The following KCNMA1 variants were observed in gnomAD, a reference collection of about 807,000 sequenced individuals.
The protein encoded by KCNMA1 is Calcium-activated potassium channel subunit alpha-1.
KCNMA1 carries 29 observed loss-of-function variants against 140.0 expected under a neutral mutation model. That is an observed-to-expected ratio of 0.21 (90% CI 0.15 to 0.28). KCNMA1 has a LOEUF of 0.28. KCNMA1 is among the 10% of genes least tolerant of loss of function. KCNMA1 has a pLI of 1.00. For synonymous variants in KCNMA1, 612 were observed against 611.9 expected (o/e 1.00, Z 0.00); for missense variants, 880 against 1,602.2 (o/e 0.55, Z 7.70).
At chr10:77,297,023 C>T (rs1182072351) in intron 2 of KCNMA1, among the ~76,000 whole-genome samples, 1 of 152,030 alleles carries the variant, frequency 6.6e-6, no homozygotes, top group East Asian at 1.9e-4. Context: ...TCTGGTTGTA[C>T]CCAAGACATC....
At chr10:77,081,534 C>CTTCACCCCT (rs2096566054) in intron 12 of KCNMA1, among the ~76,000 whole-genome samples, 1 of 152,124 alleles carries the variant, frequency 6.6e-6, no homozygotes, top group Non-Finnish European at 1.5e-5. Context: ...GCGCTCCCCA[C>CTTCACCCCT]TTCACCCCTT....
At chr10:76,936,541 C>T (rs1031141778) in intron 23 of KCNMA1, among the ~76,000 whole-genome samples, 1 of 152,162 alleles carries the variant, frequency 6.6e-6, no homozygotes, top group Non-Finnish European at 1.5e-5. Context: ...AGAGAAATGG[C>T]TTCTCCCCTA....
intron 1 of KCNMA1, among the ~76,000 whole-genome samples, chr10:77,624,103 C>T (rs548498554): frequency 7.9e-5 from 12 of 152,250 alleles, no homozygotes; most frequent in East Asian, 3.9e-4. Context: ...TCCCTGCTTT[C>T]GGCAGCTGGA....
intron 14 of KCNMA1, among the ~76,000 whole-genome samples, chr10:77,065,594 A>G (rs1031058629): frequency 6.6e-6 from 1 of 152,146 alleles, no homozygotes; most frequent in Non-Finnish European, 1.5e-5. Context: ...GGAGATGTCA[A>G]TTCTCCCAAG....
At chr10:77,302,057 CA>C (rs922531102) in intron 2 of KCNMA1, among the ~76,000 whole-genome samples, 4 of 152,042 alleles carry the variant, frequency 2.6e-5, no homozygotes, top group Admixed American at 1.3e-4. Context: ...GGGCCCTTTA[CA>C]CATGCCATCT....
intron 5 of KCNMA1, among the ~76,000 whole-genome samples, chr10:77,124,161 T>G (rs2097685294): frequency 6.6e-6 from 1 of 152,206 alleles, no homozygotes; most frequent in Admixed American, 6.5e-5. Context: ...TCCTGAACAT[T>G]CTGTGTGTGC....
chr10:77,579,904 G>T (rs2075356963), intron 1 of KCNMA1, among the ~76,000 whole-genome samples: 1 of 152,162 alleles, frequency 6.6e-6, no homozygotes, highest in Admixed American at 6.6e-5. Flanking sequence ...TCCATGAACA[G>T]CAATTGAATT....
intron 2 of KCNMA1, among the ~76,000 whole-genome samples, chr10:77,339,064 C>T (rs755793207): frequency 4.0e-5 from 6 of 151,826 alleles, no homozygotes; most frequent in Non-Finnish European, 7.4e-5. Context: ...AACACAGATA[C>T]ATACAGAGTA....
chr10:77,471,301 C>T (rs2098143862), intron 1 of KCNMA1, among the ~76,000 whole-genome samples: 2 of 151,410 alleles, frequency 1.3e-5, no homozygotes, highest in Non-Finnish European at 2.9e-5. Flanking sequence ...ACACAACACA[C>T]ACTACACAGT....
intron 2 of KCNMA1, among the ~76,000 whole-genome samples, chr10:77,313,169 A>G (rs1194729729): frequency 6.6e-6 from 1 of 152,152 alleles, no homozygotes. Context: ...TAAACAGTTC[A>G]TTTCTGTGCT....
chr10:77,195,197 C>A (rs1037121786), intron 3 of KCNMA1, among the ~76,000 whole-genome samples: 42 of 152,172 alleles, frequency 2.8e-4, no homozygotes, highest in Non-Finnish European at 4.6e-4. Flanking sequence ...CCGTCTTTGG[C>A]TGACAGCTAA....
chr10:77,447,765 G>T (rs1189136387), intron 1 of KCNMA1, among the ~76,000 whole-genome samples: 2 of 152,198 alleles, frequency 1.3e-5, no homozygotes, highest in Non-Finnish European at 1.5e-5. Context: ...CACTTAAGAA[G>T]TGATGGAAGG....
intron 17 of KCNMA1, among the ~76,000 whole-genome samples, chr10:77,013,840 G>T (rs1350258297): frequency 6.6e-6 from 1 of 152,188 alleles, no homozygotes; most frequent in Non-Finnish European, 1.5e-5. Flanking sequence ...AGCTGAGATT[G>T]AATTCACATA....
intron 1 of KCNMA1, among the ~76,000 whole-genome samples, chr10:77,565,805 C>T (rs181229184): frequency 1.1e-4 from 17 of 152,278 alleles, no homozygotes; most frequent in African/African-American, 4.1e-4. Flanking sequence ...TCTGGAGACG[C>T]AAACCCTAGC....
chr10:77,120,142 A>G (rs560159520), intron 6 of KCNMA1, among the ~76,000 whole-genome samples: 1 of 152,362 alleles, frequency 6.6e-6, no homozygotes, highest in East Asian at 1.9e-4. Flanking sequence ...GAAATGGAAC[A>G]TTAGAAGTTA....
At chr10:76,883,427 A>G (rs911976994), downstream of KCNMA1, among the ~76,000 whole-genome samples, 2 of 152,196 alleles carry the variant, frequency 1.3e-5, no homozygotes, top group African/African-American at 4.8e-5. Context: ...TGTGTGTATA[A>G]GAGTCCAGCT....
At chr10:77,227,964 A>ATTTTT (rs10642363) in intron 3 of KCNMA1, among the ~76,000 whole-genome samples, 1 of 136,088 alleles carries the variant, frequency 7.3e-6, no homozygotes, top group Non-Finnish European at 1.5e-5. Context: ...ATTTAATTTA[A>ATTTTT]TTTTTTTTTT....
At chr10:77,246,363 A>G (rs1267329881) in intron 3 of KCNMA1, among the ~76,000 whole-genome samples, 5 of 152,222 alleles carry the variant, frequency 3.3e-5, no homozygotes, top group Non-Finnish European at 7.3e-5. Flanking sequence ...TGCATGTGCT[A>G]TTTTTGGTAA....
chr10:76,948,168 C>A (rs574622432), intron 22 of KCNMA1, among the ~76,000 whole-genome samples: 2 of 151,934 alleles, frequency 1.3e-5, no homozygotes, highest in African/African-American at 4.8e-5. Context: ...CCACATCAGG[C>A]TAATTTTTTT....
Sources: allele counts gnomAD v4.1 joint callset (sites outside exome capture counted in the v4.1 genomes callset), GRCh38; gene constraint gnomAD v4.1.1; transcripts MANE v1.5; gene names NCBI Gene and HGNC (gene_info 2026-07-23, HGNC 2026-07-21).